Variants in PTPRK observed in about 807,000 individuals in gnomAD.
PTPRK encodes the protein protein tyrosine phosphatase receptor type K, also known as receptor-type tyrosine-protein phosphatase kappa.
In PTPRK, 75 loss-of-function variants were observed where a neutral mutation model predicts 178.0. That is an observed-to-expected ratio of 0.42 (90% confidence interval 0.35 to 0.51). The LOEUF is 0.51. Ranked by LOEUF, PTPRK falls within the 20% of genes least tolerant of loss-of-function variation. The pLI, the probability that PTPRK is intolerant of heterozygous loss-of-function variation, is 0.02. For missense variants in PTPRK, 1,441 were observed against 1,797.8 expected (o/e 0.80, Z 3.59); for synonymous variants, 637 against 620.6 (o/e 1.03, Z -0.39).
intron 10 of PTPRK, among the ~76,000 whole-genome samples, chr6:128,079,329 C>G (rs536106082): frequency 6.2e-4 from 94 of 152,008 alleles, no homozygotes; most frequent in African/African-American, 2.2e-3. Context: ...TCAAGGGCTA[C>G]CTGGTGAAAC....
chr6:128,046,097 T>C (rs1777992883), intron 13 of PTPRK, among the ~76,000 whole-genome samples: 1 of 152,166 alleles, frequency 6.6e-6, no homozygotes, highest in South Asian at 2.1e-4. Context: ...TTCTAAGTCA[T>C]GAAACATTGA....
chr6:128,321,630 T>A, intron 3 of PTPRK: 1 of 569,774 alleles, frequency 1.8e-6, no homozygotes. Flanking sequence ...TTTCAAAAAG[T>A]CAGTAAATCA....
At chr6:128,098,845 G>A (rs1788321769) in intron 7 of PTPRK, among the ~76,000 whole-genome samples, 1 of 151,810 alleles carries the variant, frequency 6.6e-6, no homozygotes, top group Non-Finnish European at 1.5e-5. Flanking sequence ...CAGATACCAC[G>A]GTAGTATGGT....
intron 13 of PTPRK, among the ~76,000 whole-genome samples, chr6:128,010,345 T>C (rs868417889): frequency 6.6e-6 from 1 of 151,252 alleles, no homozygotes; most frequent in African/African-American, 2.4e-5. Context: ...CAAGAGATGG[T>C]GTCCACATGA....
At chr6:128,256,406 A>T (rs967676791) in intron 3 of PTPRK, among the ~76,000 whole-genome samples, 2 of 152,104 alleles carry the variant, frequency 1.3e-5, no homozygotes, top group Non-Finnish European at 2.9e-5. Context: ...GTAGAGCAAT[A>T]ATGTAAAACA....
chr6:128,247,428 T>C (rs1362174959), intron 3 of PTPRK, among the ~76,000 whole-genome samples: 2 of 152,158 alleles, frequency 1.3e-5, no homozygotes, highest in Admixed American at 1.3e-4. Context: ...CAAACAATTC[T>C]CGTGCTTCAG....
At chr6:128,185,731 C>T (rs1274378859) in intron 6 of PTPRK, among the ~76,000 whole-genome samples, 1 of 152,182 alleles carries the variant, frequency 6.6e-6, no homozygotes, top group African/African-American at 2.4e-5. Context: ...CCACAAAATG[C>T]TCCCTCAGTC....
At chr6:128,367,175 C>G (rs779081614) in intron 2 of PTPRK, among the ~76,000 whole-genome samples, 1 of 152,034 alleles carries the variant, frequency 6.6e-6, no homozygotes, top group South Asian at 2.1e-4. Flanking sequence ...TATGGTAGGC[C>G]CTTAATAAAT....
At chr6:128,009,297 C>G in intron 13 of PTPRK, 29 bp from the exon 14 acceptor site, 1 of 1,585,902 alleles carries the variant, frequency 6.3e-7, no homozygotes, top group Non-Finnish European at 8.6e-7. Flanking sequence ...AAATCAGTTA[C>G]TGAAAGAAGC....
chr6:128,359,478 G>A (rs1477936268), intron 2 of PTPRK, among the ~76,000 whole-genome samples: 3 of 147,502 alleles, frequency 2.0e-5, no homozygotes, highest in Non-Finnish European at 3.0e-5. Flanking sequence ...AGGGACAGAC[G>A]CAGTGGCTCA....
At chr6:128,238,514 G>A (rs1813771994) in intron 5 of PTPRK, among the ~76,000 whole-genome samples, 1 of 152,100 alleles carries the variant, frequency 6.6e-6, no homozygotes, top group South Asian at 2.1e-4. Context: ...CAGACCTACA[G>A]AGCCTCTAGA....
chr6:128,443,287 A>G (rs1479627990), intron 1 of PTPRK, among the ~76,000 whole-genome samples: 1 of 152,096 alleles, frequency 6.6e-6, no homozygotes, highest in African/African-American at 2.4e-5. Flanking sequence ...TCTATCTGCC[A>G]GGTACCTGGA....
intron 1 of PTPRK, among the ~76,000 whole-genome samples, chr6:128,476,790 A>G (rs185481917): frequency 5.3e-4 from 80 of 152,154 alleles, no homozygotes; most frequent in African/African-American, 1.9e-3. Context: ...AGTCCTGGAA[A>G]TCTGCAAATA....
intron 13 of PTPRK, among the ~76,000 whole-genome samples, chr6:128,038,783 CAGTTA>C (rs1776665487): frequency 6.6e-6 from 1 of 152,114 alleles, no homozygotes; most frequent in African/African-American, 2.4e-5. Context: ...ACAAGTTGAA[CAGTTA>C]ACTGCGTTTG....
intron 13 of PTPRK, among the ~76,000 whole-genome samples, chr6:128,041,770 C>T (rs1777205356): frequency 6.6e-6 from 1 of 151,246 alleles, no homozygotes; most frequent in Non-Finnish European, 1.5e-5. Flanking sequence ...ATATGTGTGA[C>T]TGTGTATGTG....
intron 3 of PTPRK, among the ~76,000 whole-genome samples, chr6:128,319,516 T>C (rs1277728947): frequency 6.6e-6 from 1 of 152,156 alleles, no homozygotes; most frequent in East Asian, 1.9e-4. Context: ...GAAAAGAATG[T>C]CATGCTTTCA....
At chr6:128,103,714 C>A (rs1240738116) in intron 7 of PTPRK, among the ~76,000 whole-genome samples, 1 of 152,184 alleles carries the variant, frequency 6.6e-6, no homozygotes, top group African/African-American at 2.4e-5. Flanking sequence ...GTCCACTTGA[C>A]CATGACTTCC....
intron 1 of PTPRK, among the ~76,000 whole-genome samples, chr6:128,509,189 T>C (rs1180175154): frequency 6.6e-6 from 1 of 152,066 alleles, no homozygotes; most frequent in Non-Finnish European, 1.5e-5. Context: ...TATTTAAGGG[T>C]GGGTTCCATA....
intron 3 of PTPRK, among the ~76,000 whole-genome samples, chr6:128,253,302 A>G (rs943622150): frequency 7.2e-5 from 11 of 152,158 alleles, no homozygotes; most frequent in African/African-American, 2.7e-4. Context: ...CCTTAAACAC[A>G]TTTTTCATCC....
Sources: allele counts gnomAD v4.1 joint callset (sites outside exome capture counted in the v4.1 genomes callset), GRCh38; gene constraint gnomAD v4.1.1; transcripts MANE v1.5; gene names NCBI Gene and HGNC (gene_info 2026-07-23, HGNC 2026-07-21).